CEP112: variants seen among roughly 807,000 people sequenced by gnomAD.
The protein encoded by CEP112 is centrosomal protein 112.
CEP112 carries 127 observed loss-of-function variants against 153.0 expected under a neutral mutation model. The observed-to-expected ratio is 0.83, with a 90% CI of 0.72 to 0.96. The LOEUF (loss-of-function observed/expected upper bound fraction) is 0.96. Ranked by LOEUF, CEP112 falls within the 40% of genes least tolerant of loss-of-function variation. The pLI is 0.00. For synonymous variants in CEP112, 358 were observed against 374.4 expected, an observed-to-expected ratio of 0.96 and a Z score of 0.51; for missense variants, 1,089 against 1,101.2, an observed-to-expected ratio of 0.99 and a Z score of 0.16.
At chr17:66,020,334 A>G (rs1482278809) in intron 16 of CEP112, among the ~76,000 whole-genome samples, 3 of 124,866 alleles carry the variant, frequency 2.4e-5, no homozygotes, top group Non-Finnish European at 5.2e-5. Context: ...AAGGAAATTT[A>G]TTATGATTTA....
At chr17:66,067,182 A>G (rs1461737300) in intron 9 of CEP112, among the ~76,000 whole-genome samples, 1 of 152,196 alleles carries the variant, frequency 6.6e-6, no homozygotes, top group Admixed American at 6.5e-5. Context: ...TGCAGCAGCT[A>G]GGAGGTAGAA....
At chr17:65,661,408 G>T (rs1468297778) in intron 24 of CEP112, among the ~76,000 whole-genome samples, 1 of 152,046 alleles carries the variant, frequency 6.6e-6, no homozygotes, top group Non-Finnish European at 1.5e-5. Flanking sequence ...AATCTTCTAC[G>T]AATGCTATAT....
At chr17:66,187,389 T>C (rs2072978430) in intron 1 of CEP112, among the ~76,000 whole-genome samples, 1 of 152,212 alleles carries the variant, frequency 6.6e-6, no homozygotes, top group Non-Finnish European at 1.5e-5. Flanking sequence ...ATCTCCATCA[T>C]GGTAGCAAAA....
At chr17:66,101,543 G>A (rs1035921621) in intron 6 of CEP112, among the ~76,000 whole-genome samples, 2 of 151,814 alleles carry the variant, frequency 1.3e-5, no homozygotes, top group African/African-American at 4.8e-5. Flanking sequence ...TTCCAATAAG[G>A]CAAAATCACA....
At chr17:65,782,817 G>A (rs868723532) in intron 21 of CEP112, among the ~76,000 whole-genome samples, 13 of 152,164 alleles carry the variant, frequency 8.5e-5, no homozygotes, top group African/African-American at 2.6e-4. Flanking sequence ...ACTACTAGAG[G>A]TGGGAGGGAG....
chr17:65,795,494 C>T (rs1383512228), intron 21 of CEP112, among the ~76,000 whole-genome samples: 2 of 152,136 alleles, frequency 1.3e-5, no homozygotes, highest in Non-Finnish European at 2.9e-5. Context: ...CTTACAAGTA[C>T]TATACTAGAA....
chr17:65,864,579 T>G (rs1236209171), intron 20 of CEP112, among the ~76,000 whole-genome samples: 1 of 152,180 alleles, frequency 6.6e-6, no homozygotes, highest in Admixed American at 6.5e-5. Context: ...GGTCAGGCAT[T>G]ATCAGAACTG....
intron 17 of CEP112, among the ~76,000 whole-genome samples, chr17:65,964,986 A>G (rs754670515): frequency 4.7e-4 from 71 of 152,334 alleles, no homozygotes; most frequent in Non-Finnish European, 9.0e-4. Context: ...AAAGAAAGAT[A>G]ACACATTTTA....
chr17:66,146,382 T>A (rs1429643105), intron 4 of CEP112, among the ~76,000 whole-genome samples: 4 of 152,138 alleles, frequency 2.6e-5, no homozygotes, highest in Non-Finnish European at 5.9e-5. Context: ...ATCAACAATG[T>A]CACTGGTATA....
At chr17:66,132,153 A>ATG (rs2070203175) in intron 5 of CEP112, among the ~76,000 whole-genome samples, 1 of 121,740 alleles carries the variant, frequency 8.2e-6, no homozygotes. Flanking sequence ...CCTGGGCAAC[A>ATG]GTGAGACTCC....
chr17:66,151,527 G>A (rs76964571), intron 4 of CEP112, among the ~76,000 whole-genome samples: 5,339 of 152,266 alleles, frequency 0.035, 130 homozygotes, highest in Middle Eastern at 0.061. Flanking sequence ...TCCGACAAAA[G>A]TGATAAGCTA....
chr17:65,858,335 G>A (rs2058194571), intron 20 of CEP112, among the ~76,000 whole-genome samples: 1 of 152,138 alleles, frequency 6.6e-6, no homozygotes, highest in African/African-American at 2.4e-5. Context: ...TATGAACTCA[G>A]TGTTTTCTTT....
chr17:65,759,423 T>A (rs764819), intron 21 of CEP112, among the ~76,000 whole-genome samples: 44,076 of 152,032 alleles, frequency 0.29, 7,527 homozygotes, highest in Middle Eastern at 0.43. Flanking sequence ...ACACTATGAA[T>A]CCAGTTATGG....
chr17:65,954,871 A>C (rs914617401), intron 18 of CEP112, among the ~76,000 whole-genome samples: 1 of 152,234 alleles, frequency 6.6e-6, no homozygotes, highest in African/African-American at 2.4e-5. Flanking sequence ...ACTAAGTTAA[A>C]CATCCAAACC....
chr17:65,999,141 A>G (rs990298427), intron 17 of CEP112, among the ~76,000 whole-genome samples: 10 of 152,166 alleles, frequency 6.6e-5, no homozygotes, highest in African/African-American at 2.4e-4. Flanking sequence ...TCAGTGTTTT[A>G]TAAATGCAAG....
At chr17:66,105,072 T>C (rs2068725863) in intron 6 of CEP112, among the ~76,000 whole-genome samples, 1 of 152,068 alleles carries the variant, frequency 6.6e-6, no homozygotes, top group African/African-American at 2.4e-5. Context: ...CACTCAAAAA[T>C]AATAACTGTA....
intron 16 of CEP112, among the ~76,000 whole-genome samples, chr17:66,008,668 A>G (rs1598092015): frequency 6.6e-6 from 1 of 152,040 alleles, no homozygotes; most frequent in African/African-American, 2.4e-5. Context: ...GTACCCTTTA[A>G]CCAGCATCTA....
At chr17:65,730,770 C>T (rs1422309088) in intron 23 of CEP112, among the ~76,000 whole-genome samples, 1 of 116,486 alleles carries the variant, frequency 8.6e-6, no homozygotes, top group East Asian at 3.2e-4. Context: ...ACCCCCACCC[C>T]CCGCCCCCAA....
chr17:66,078,345 C>T (rs144880675), intron 8 of CEP112, among the ~76,000 whole-genome samples: 18 of 150,708 alleles, frequency 1.2e-4, no homozygotes, highest in African/African-American at 4.4e-4. Context: ...TGCAACTCTG[C>T]ATTCCTGGTT....
Sources: gnomAD v4.1 joint callset for allele counts (sites outside exome capture counted in the v4.1 genomes callset) on GRCh38, gnomAD v4.1.1 for gene constraint, MANE v1.5 for transcripts, NCBI Gene and HGNC (gene_info 2026-07-23, HGNC 2026-07-21) for gene names.